Variants in EXT2 observed in about 807,000 individuals in gnomAD.
The protein encoded by EXT2 is exostosin-2.
EXT2 carries 53 observed loss-of-function variants against 81.6 expected under a neutral mutation model. The observed-to-expected ratio is 0.65, with a 90% CI of 0.52 to 0.82. The LOEUF is 0.82. Among genes scored for constraint, EXT2 ranks in the 40% least tolerant of loss-of-function variants. EXT2 has a pLI of 0.00. For missense variants in EXT2, 774 were observed against 910.2 expected, an observed-to-expected ratio of 0.85 and a Z score of 1.93; for synonymous variants, 320 against 340.0, an observed-to-expected ratio of 0.94 and a Z score of 0.65.
At chr11:44,128,062 C>T (rs915645457) in intron 6 of EXT2, among the ~76,000 whole-genome samples, 6 of 152,222 alleles carry the variant, frequency 3.9e-5, no homozygotes, top group African/African-American at 1.4e-4. Flanking sequence ...GTTTTTTCCT[C>T]TCCCAACTTT....
Position 44,250,759 on chromosome 11 carries a change from G to A in EXT2, c.*6472G>A, listed in dbSNP as rs916071565. 6.6e-6 allele frequency among the ~76,000 whole-genome samples: 1 copy of A among 152,188 alleles called. No individual in the cohort carries two copies. Among genetic ancestry groups the A allele is most frequent in the Non-Finnish European group, 1.5e-5 (1 of 68,030 alleles). On this transcript the variant is annotated 3_prime_UTR_variant, in exon 14 of 14. Transcript: ENST00000533608. ...GGCTGGCTGCTGTCTGAAGCTATTT[G>A]GAGTCCTCTCCCTGTGTTTTCTATG... is the stretch of plus-strand genomic sequence containing the variant.
chr11:44,228,969 G>A (rs1030944687), intron 10 of EXT2, among the ~76,000 whole-genome samples: 1 of 152,112 alleles, frequency 6.6e-6, no homozygotes, highest in African/African-American at 2.4e-5. Context: ...TAAACAGGGG[G>A]AGAAAAGCAA....
intron 7 of EXT2, among the ~76,000 whole-genome samples, chr11:44,149,181 G>T (rs1398178318): frequency 6.6e-6 from 1 of 152,124 alleles, no homozygotes; most frequent in Non-Finnish European, 1.5e-5. Context: ...GGGCAACACA[G>T]CAAGGCCCCA....
At chr11:44,183,990 G>A (rs1030531982) in intron 8 of EXT2, among the ~76,000 whole-genome samples, 1 of 152,216 alleles carries the variant, frequency 6.6e-6, no homozygotes, top group Non-Finnish European at 1.5e-5. Flanking sequence ...ATTTTGGAAT[G>A]TGAGTTCATC....
In EXT2 at chr11:44,108,230, C is replaced by T. The variant is rs1264436933; in HGVS notation, c.518C>T (p.Ala173Val). The change falls in exon 2 of 14, where the codon GCG becomes GTG. Residue 173 changes from alanine to valine, a missense_variant. Coordinates refer to ENST00000533608, the MANE Select transcript of EXT2 (RefSeq NM_207122.2). ...NTLRIKETAQAMAQLSRWDRG... is the reference protein window; with the variant it reads ...NTLRIKETAQVMAQLSRWDRG... ...CTGCGCATCAAGGAGACAGCACAAG[C>T]GATGGCCCAGCTCTCTAGGTATCTC... 1.3e-5 allele frequency: 21 copies of T among 1,612,658 alleles called. No homozygotes were observed. The highest frequency in any genetic ancestry group is 6.7e-5 in the East Asian group (3 of 44,894).
intron 4 of EXT2, among the ~76,000 whole-genome samples, chr11:44,123,502 T>C (rs1300438795): frequency 1.6e-4 from 24 of 152,234 alleles, no homozygotes; most frequent in Admixed American, 1.6e-3. Flanking sequence ...CACTGATTCC[T>C]TGTGGTCCCT....
intron 7 of EXT2, among the ~76,000 whole-genome samples, chr11:44,156,644 A>G (rs4353264): frequency 0.91 from 137,966 of 152,250 alleles, 62,659 homozygotes; most frequent in East Asian, 0.99. Context: ...GAATTTCCTC[A>G]AGCTTCCTCA....
Position 44,220,476 on chromosome 11 carries a change from CTA to C in EXT2, c.1663-11875_1663-11874del, listed in dbSNP as rs1049312556. On this transcript the variant is annotated intron_variant, in intron 10 of 13. Transcript: ENST00000533608. The surrounding 1 kb of genome is among the most constrained non-coding windows in gnomAD (Gnocchi z 4.4). ...ACCTGAAGGGTTGCCATTATAGAGA[CTA>C]TTGTCTTTAGAAGAGAATGGGCCAC... is the stretch of plus-strand genomic sequence containing the variant. Among the ~76,000 whole-genome samples the C allele has an allele frequency of 9.2e-5, 14 of 152,130 alleles. No individual in the cohort carries two copies. Among genetic ancestry groups the C allele is most frequent in the African/African-American group, 3.4e-4 (14 of 41,430 alleles).
intron 12 of EXT2, among the ~76,000 whole-genome samples, chr11:44,235,625 T>C (rs1590669158): frequency 6.6e-6 from 1 of 152,342 alleles, no homozygotes; most frequent in Non-Finnish European, 1.5e-5. Context: ...AGTGTCTCTA[T>C]GCTTCTTAGC....
At chr11:44,109,133 C>T (rs1954104672) in intron 2 of EXT2, 61 bp from the exon 3 acceptor site, 18 of 1,572,550 alleles carry the variant, frequency 1.1e-5, no homozygotes, top group Non-Finnish European at 1.6e-5. Flanking sequence ...TGTCTAGTAA[C>T]TGACTCTTGT....
intron 7 of EXT2, among the ~76,000 whole-genome samples, chr11:44,142,185 A>C (rs541988089): frequency 1.3e-5 from 2 of 152,204 alleles, no homozygotes; most frequent in Non-Finnish European, 2.9e-5. Flanking sequence ...ATATACTTAC[A>C]TATATTCTGT....
At chr11:44,125,362 G>A (rs1213174990) in intron 5 of EXT2, among the ~76,000 whole-genome samples, 1 of 152,174 alleles carries the variant, frequency 6.6e-6, no homozygotes, top group Non-Finnish European at 1.5e-5. Flanking sequence ...TGCATCCCTT[G>A]ACCATGCTGG....
At chr11:44,175,860 C>A (rs1188026840) in intron 8 of EXT2, among the ~76,000 whole-genome samples, 4 of 152,254 alleles carry the variant, frequency 2.6e-5, no homozygotes, top group African/African-American at 7.2e-5. Context: ...TAAGACACAT[C>A]CTGCTGGAAA....
intron 6 of EXT2, among the ~76,000 whole-genome samples, chr11:44,128,245 C>T (rs901951399): frequency 2.6e-5 from 4 of 151,944 alleles, no homozygotes; most frequent in African/African-American, 9.7e-5. Flanking sequence ...GAAGACAAAC[C>T]GATGATAATG....
At chr11:44,180,261 T>C (rs1433728482) in intron 8 of EXT2, among the ~76,000 whole-genome samples, 1 of 152,204 alleles carries the variant, frequency 6.6e-6, no homozygotes, top group Non-Finnish European at 1.5e-5. Flanking sequence ...TTGTTTCTAC[T>C]TCCCCTATAC....
chr11:44,246,207 G>A lies in EXT2; in HGVS notation c.*1920G>A, dbSNP rs1956092213. Among the ~76,000 whole-genome samples the A allele has an allele frequency of 1.3e-5, 2 of 152,134 alleles. No individual in the cohort carries two copies. The highest frequency in any genetic ancestry group is 1.9e-4 in the East Asian group (1 of 5,192). On this transcript the variant is annotated 3_prime_UTR_variant, in exon 14 of 14. Coordinates refer to ENST00000533608, the MANE Select transcript of EXT2 (RefSeq NM_207122.2). ...GTTTGTTTTCCAAGATGTGGGGCAGGTATAGGGGAGGGTCTTACATTGAAA... is the reference window on the plus strand; with the variant it reads ...GTTTGTTTTCCAAGATGTGGGGCAGATATAGGGGAGGGTCTTACATTGAAA...
chr11:44,109,338 T>C (rs1954109837), intron 3 of EXT2, 55 bp downstream of exon 3: 4 of 1,424,052 alleles, frequency 2.8e-6, no homozygotes, highest in South Asian at 2.3e-5. Flanking sequence ...ATTTTGTTCA[T>C]GTGAAATTAT....
intron 10 of EXT2, among the ~76,000 whole-genome samples, chr11:44,214,312 A>C (rs1415535233): frequency 3.3e-5 from 5 of 151,888 alleles, no homozygotes; most frequent in East Asian, 3.9e-4. Context: ...GACGGGGTTT[A>C]ACCGTGATAG....
intron 1 of EXT2, chr11:44,096,131 C>A (rs1446839578): frequency 1.1e-6 from 1 of 938,828 alleles, no homozygotes. Context: ...TCCTAGCCAA[C>A]CTTCGCCCCC....
Sources: allele counts gnomAD v4.1 joint callset (sites outside exome capture counted in the v4.1 genomes callset), GRCh38; gene constraint gnomAD v4.1.1; non-coding constraint Gnocchi (gnomAD v3.1); transcripts MANE v1.5; gene names NCBI Gene and HGNC (gene_info 2026-07-23, HGNC 2026-07-21).